The following HAUS6 variants were observed in gnomAD, a reference collection of about 807,000 sequenced individuals.
The protein encoded by HAUS6 is HAUS augmin-like complex subunit 6.
HAUS6 carries 80 observed loss-of-function variants against 106.8 expected under a neutral mutation model. That is an observed-to-expected ratio of 0.75 (90% CI 0.63 to 0.90). The LOEUF (loss-of-function observed/expected upper bound fraction) is 0.90, where lower values mean the gene tolerates loss of function less well. Ranked by LOEUF, HAUS6 falls within the 40% of genes least tolerant of loss-of-function variation. The probability of loss-of-function intolerance (pLI) is 0.00; values close to 1 mark genes in which losing one functional copy is unlikely to be tolerated. For synonymous variants in HAUS6, 356 were observed against 379.1 expected (o/e 0.94, Z 0.71); for missense variants, 1,155 against 1,118.1 (o/e 1.03, Z -0.47).
intron 7 of HAUS6, 27 bp downstream of exon 7, chr9:19,086,707 A>T: frequency 9.8e-7 from 1 of 1,022,368 alleles, no homozygotes. Context: ...TAAAAGATTA[A>T]ATTTCTCCTT....
rs770859768 is a variant in HAUS6, at chr9:19,089,570, C to T, written c.437-11G>A. ...AATGATGAGAAGAATCTACACAGAA[C>T]ACAAATAAGATTATAGAAAACAGGC... On this transcript the variant is annotated splice_polypyrimidine_tract_variant and intron_variant, in intron 4 of 16. Transcript: ENST00000380502. 6.2e-7 allele frequency: 1 copy of T among 1,600,142 alleles called. No homozygotes were observed. Among genetic ancestry groups the T allele is most frequent in the Non-Finnish European group, 8.5e-7 (1 of 1,170,378 alleles).
intron 15 of HAUS6, 62 bp downstream of exon 15, chr9:19,060,026 A>G (rs2131098316): frequency 7.5e-7 from 1 of 1,326,082 alleles, no homozygotes; most frequent in Admixed American, 2.1e-5. Context: ...CTGTCAGGCC[A>G]TGGTTCTAAC....
intron 6 of HAUS6, 104 bp from the exon 7 acceptor site, chr9:19,086,886 C>A (rs937872881): frequency 1.6e-6 from 1 of 640,568 alleles, no homozygotes; most frequent in Non-Finnish European, 2.8e-6. Flanking sequence ...ACAACCACCC[C>A]AACAAAAAAT....
Position 19,058,673 on chromosome 9 carries a change from T to C in HAUS6, c.2094A>G (p.Glu698=), listed in dbSNP as rs2131096136. 2 of 1,612,462 alleles carry C rather than the reference T, an allele frequency of 1.2e-6. No individual in the cohort carries two copies. Among genetic ancestry groups the C allele is most frequent in the Non-Finnish European group, 1.7e-6 (2 of 1,178,602 alleles). The change falls in exon 16 of 17, where the codon GAA becomes GAG. Residue 698 remains glutamate (E), a synonymous_variant. Coordinates refer to ENST00000380502, the MANE Select transcript of HAUS6 (RefSeq NM_017645.5). ...CTGAAAGCTTGGTGAAGGCTAAACA[T>C]TCCAAATCTTGCTTGCAAATTACTT... ...NKKVICKQDL[E]CLAFTKLSET... is the part of the protein sequence containing the mutation.
intron 2 of HAUS6, 138 bp from the exon 3 acceptor site, chr9:19,094,533 T>C (rs1454421325): frequency 1.2e-5 from 7 of 603,080 alleles, no homozygotes; most frequent in Non-Finnish European, 2.1e-5. Flanking sequence ...GGCTCACACT[T>C]TTAATCCCAG....
rs568991610 is a variant in HAUS6 at position 19,072,649 on chromosome 9, A to G, written c.1295-2349T>C. On this transcript the variant is annotated intron_variant, in intron 11 of 16. Transcript: ENST00000380502. ...TCAATCTAGAATTCTATATCCAACT[A>G]AACTATCATTCAAAAATGAGTGCAA... Among the ~76,000 whole-genome samples, 57 of 152,336 alleles carry G rather than the reference A, an allele frequency of 3.7e-4. 1 individual carries two copies. The highest frequency in any genetic ancestry group is 1.3e-3 in the African/African-American group (55 of 41,592).
chr9:19,099,882 T>A (rs530145732), intron 1 of HAUS6, among the ~76,000 whole-genome samples: 2 of 152,022 alleles, frequency 1.3e-5, no homozygotes, highest in Non-Finnish European at 2.9e-5. Context: ...AGAACCCATC[T>A]CTACAAAAAG....
At position 19,058,832 on chromosome 9, in the gene HAUS6, T is replaced by A; in HGVS notation, c.1935A>T (p.Val645=). Residue 645 remains valine (V), a synonymous_variant, in exon 16 of 17, where the codon GTA becomes GTT. Transcript: ENST00000380502. ...SMADFLLETT[V]SDFGQSHLTE... Reference sequence around the variant, plus strand: ...TCAAATGAGACTGGCCAAAATCTGATACAGTGGTTTCTAAGAGAAAATCAG... The same window carrying A: ...TCAAATGAGACTGGCCAAAATCTGAAACAGTGGTTTCTAAGAGAAAATCAG... 6.2e-7 allele frequency: 1 copy of A among 1,614,218 alleles called. No homozygotes were observed. Among genetic ancestry groups the A allele is most frequent in the Non-Finnish European group, 8.5e-7 (1 of 1,180,022 alleles).
In HAUS6 at chr9:19,080,484, A is replaced by C. The variant is rs146004976; in HGVS notation, c.1059T>G (p.His353Gln). ...FQKERLSDLK[H>Q]MRYRIKDDLT... is the part of the protein sequence containing the mutation. ...AACAGATCTTTTTAGTGTACCTCAT[A>C]TGTTTCAGATCTGATAATCTTTCCT... Residue 353 changes from histidine (H) to glutamine (Q), a missense_variant, in exon 9 of 17, where the codon CAT becomes CAG. Physicochemically the swap from His to Gln is conservative, Grantham distance 24. This residue lies in a region of HAUS6 where 761 missense variants were observed against 690.0 expected (regional missense o/e 1.10). Coordinates refer to ENST00000380502, the MANE Select transcript of HAUS6 (RefSeq NM_017645.5). 2.5e-6 allele frequency: 4 copies of C among 1,597,260 alleles called. No homozygotes were observed.
rs2131164985 is a variant in HAUS6 at position 19,102,854 on chromosome 9, G to C, written c.-203C>G. The C allele has an allele frequency of 4.2e-6, 2 of 473,208 alleles. No individual in the cohort carries two copies. Among genetic ancestry groups the C allele is most frequent in the Non-Finnish European group, 7.5e-6 (2 of 267,652 alleles). 29.3% of individuals were successfully genotyped at this position (473,208 alleles called of 1,614,324 possible). On this transcript the variant is annotated 5_prime_UTR_variant, in exon 1 of 17. Coordinates refer to ENST00000380502, the MANE Select transcript of HAUS6 (RefSeq NM_017645.5). ...ATTGAGTTTCTAACGGTATAGTGCGGCCACCACTGCCTCAGCGAAGCCACC... is the reference window on the plus strand; with the variant it reads ...ATTGAGTTTCTAACGGTATAGTGCGCCCACCACTGCCTCAGCGAAGCCACC...
At position 19,066,395 on chromosome 9, in the gene HAUS6, A is replaced by C. The variant is rs187244345; in HGVS notation, c.1377-2815T>G. Reference sequence around the variant, plus strand: ...ATAATTAGGAGAAAAATAAAAATAGAAACTATAAAAAGAGAAAGATATGAG... The same window carrying C: ...ATAATTAGGAGAAAAATAAAAATAGCAACTATAAAAAGAGAAAGATATGAG... On this transcript the variant is annotated intron_variant, in intron 12 of 16. Transcript: ENST00000380502. Among the ~76,000 whole-genome samples the C allele has an allele frequency of 8.3e-4, 127 of 152,312 alleles. 1 individual carries two copies. The highest frequency in any genetic ancestry group is 3.0e-3 in the African/African-American group (124 of 41,570).
At chr9:19,101,010 T>A (rs1039505682) in intron 1 of HAUS6, among the ~76,000 whole-genome samples, 1 of 152,164 alleles carries the variant, frequency 6.6e-6, no homozygotes, top group African/African-American at 2.4e-5. Flanking sequence ...AGGAATAAGT[T>A]CTAGTGTTCA....
chr9:19,088,408 T>G (rs1339107247), intron 5 of HAUS6, among the ~76,000 whole-genome samples: 1 of 137,434 alleles, frequency 7.3e-6, no homozygotes, highest in Non-Finnish European at 1.5e-5. Context: ...AGAGTGAGAC[T>G]CCGTCTCAAA....
At chr9:19,072,762 GAGA>G (rs1193907119) in intron 11 of HAUS6, among the ~76,000 whole-genome samples, 5 of 151,898 alleles carry the variant, frequency 3.3e-5, no homozygotes, top group East Asian at 1.9e-4. Context: ...TTCTCAAAAG[GAGA>G]AGAACAAAAG....
At chr9:19,078,044 C>G in intron 10 of HAUS6, 132 bp downstream of exon 10, 3 of 661,704 alleles carry the variant, frequency 4.5e-6, no homozygotes, top group African/African-American at 3.6e-5. Flanking sequence ...CAGCTATGAT[C>G]GTGCCACTGT....
At chr9:19,073,675 AT>A (rs1339414511) in intron 11 of HAUS6, among the ~76,000 whole-genome samples, 1 of 151,952 alleles carries the variant, frequency 6.6e-6, no homozygotes, top group Non-Finnish European at 1.5e-5. Flanking sequence ...TAATTCAAAA[AT>A]AAAAAATAAA....
At chr9:19,090,372 T>C (rs1817718222) in intron 4 of HAUS6, among the ~76,000 whole-genome samples, 2 of 152,298 alleles carry the variant, frequency 1.3e-5, no homozygotes, top group South Asian at 4.1e-4. Flanking sequence ...ATCTTTTCTT[T>C]TTCTTTTTTT....
intron 4 of HAUS6, among the ~76,000 whole-genome samples, chr9:19,090,642 C>A (rs969427076): frequency 1.3e-5 from 2 of 152,130 alleles, no homozygotes; most frequent in Admixed American, 6.6e-5. Flanking sequence ...GGATTATAGG[C>A]GTGAGCCACC....
chr9:19,064,885 A>T (rs574207749), intron 12 of HAUS6: 55 of 152,318 alleles, frequency 3.6e-4, no homozygotes, highest in African/African-American at 1.3e-3. Flanking sequence ...CATTAAAATT[A>T]TCAAAAAGCC....
Sources: gnomAD v4.1 joint callset for allele counts (sites outside exome capture counted in the v4.1 genomes callset) on GRCh38, gnomAD v4.1.1 for gene constraint, gnomAD v4.1.1 regional missense constraint, MANE v1.5 for transcripts, NCBI Gene and HGNC (gene_info 2026-07-23, HGNC 2026-07-21) for gene names.